NRP2: variants seen among roughly 807,000 people sequenced by gnomAD.
The protein encoded by NRP2 is neuropilin-2.
A neutral mutation model predicts 110.4 loss-of-function variants in NRP2; 52 were observed. The observed-to-expected ratio is 0.47, with a 90% CI of 0.38 to 0.59. NRP2 has a LOEUF of 0.59. Among genes scored for constraint, NRP2 ranks in the 20% least tolerant of loss-of-function variants. The pLI, the probability that NRP2 is intolerant of heterozygous loss-of-function variation, is 0.00. For synonymous variants in NRP2, 508 were observed against 468.9 expected, an observed-to-expected ratio of 1.08 and a Z score of -1.08; for missense variants, 1,049 against 1,203.0, an observed-to-expected ratio of 0.87 and a Z score of 1.89.
chr2:205,767,582 A>T (rs759517342), intron 15 of NRP2: 4 of 302,866 alleles, frequency 1.3e-5, no homozygotes, highest in South Asian at 2.6e-5. Flanking sequence ...AGGTTATAAA[A>T]AAAAAAAAAG....
chr2:205,713,190 T>C (rs936449390), intron 2 of NRP2, among the ~76,000 whole-genome samples: 4 of 152,174 alleles, frequency 2.6e-5, no homozygotes, highest in Non-Finnish European at 2.9e-5. Flanking sequence ...GGCAACCAGA[T>C]AAAACCCTCT....
intron 16 of NRP2, among the ~76,000 whole-genome samples, chr2:205,794,216 T>G (rs1273241500): frequency 3.3e-5 from 5 of 152,182 alleles, no homozygotes; most frequent in Admixed American, 1.3e-4. Flanking sequence ...GTTCACGCCA[T>G]TCTCCTGCCT....
chr2:205,687,946 T>A (rs1553570922), intron 1 of NRP2, among the ~76,000 whole-genome samples: 1 of 152,106 alleles, frequency 6.6e-6, no homozygotes, highest in Non-Finnish European at 1.5e-5. Flanking sequence ...GACCCTGGTG[T>A]TTTTCATTTC....
chr2:205,724,041 A>C (rs2057076159), intron 5 of NRP2, 101 bp downstream of exon 5: 1 of 1,328,518 alleles, frequency 7.5e-7, no homozygotes, highest in Admixed American at 1.8e-5. Context: ...GGAGATGGGA[A>C]CTCTACGGAA....
Position 205,787,723 on chromosome 2 carries a change from T to A in NRP2, c.2426-4512T>A, listed in dbSNP as rs1392531519. Reference sequence around the variant, plus strand: ...GGAAAGATAAAAAAAAGTGTCTGTGTGTGTGTGTGTGTGTGTGTGTGTGTG... The same window carrying A: ...GGAAAGATAAAAAAAAGTGTCTGTGAGTGTGTGTGTGTGTGTGTGTGTGTG... On this transcript the variant is annotated intron_variant, in intron 15 of 16. Transcript: ENST00000357785. 2.3e-4 allele frequency among the ~76,000 whole-genome samples: 20 copies of A among 87,416 alleles called. No homozygotes were observed. In the South Asian group the frequency reaches 3.4e-3, roughly 15 times the overall value. The allele number at this position is 87,416 out of a possible 152,430, so 57.3% of individuals were successfully genotyped here. A position where few individuals can be genotyped will look rare whatever the true frequency, so the allele number is the denominator to read the frequency against.
chr2:205,716,598 A>C (rs2056902268), intron 3 of NRP2, among the ~76,000 whole-genome samples: 2 of 151,974 alleles, frequency 1.3e-5, no homozygotes, highest in Admixed American at 1.3e-4. Flanking sequence ...GGGTGGGGTC[A>C]AAACAGCCAT....
intron 3 of NRP2, chr2:205,722,145 CCT>C (rs140982811): frequency 0.021 from 4,603 of 219,158 alleles, 5 homozygotes; most frequent in South Asian, 0.037. Context: ...CAAGAGAATC[CCT>C]CTCTCTCTCT....
chr2:205,716,622 AG>A (rs1454123910), intron 3 of NRP2, among the ~76,000 whole-genome samples: 3 of 152,192 alleles, frequency 2.0e-5, no homozygotes, highest in Non-Finnish European at 4.4e-5. Flanking sequence ...TTGTGGTATT[AG>A]ACAAACAGAA....
At chr2:205,769,752 G>T (rs1340733059) in intron 15 of NRP2, among the ~76,000 whole-genome samples, 2 of 151,980 alleles carry the variant, frequency 1.3e-5, no homozygotes, top group African/African-American at 4.8e-5. Flanking sequence ...TTAAAGCAGT[G>T]GCTATAAACA....
intron 15 of NRP2, among the ~76,000 whole-genome samples, chr2:205,782,096 G>C (rs2058181051): frequency 6.6e-6 from 1 of 152,068 alleles, no homozygotes; most frequent in South Asian, 2.1e-4. Flanking sequence ...TGGAACAGTG[G>C]AGAATCTAGG....
At chr2:205,692,551 A>G (rs1176678464) in intron 1 of NRP2, among the ~76,000 whole-genome samples, 1 of 152,224 alleles carries the variant, frequency 6.6e-6, no homozygotes, top group Admixed American at 6.5e-5. Flanking sequence ...ACTGTTGTTG[A>G]CATGCTCACA....
Position 205,743,357 on chromosome 2 carries a change from G to A in NRP2, c.1446G>A (p.Gln482=). 6.2e-7 allele frequency: 1 copy of A among 1,614,248 alleles called. No homozygotes were observed. The highest frequency in any genetic ancestry group is 1.1e-5 in the South Asian group (1 of 91,084). Residue 482 remains glutamine (Q), a synonymous_variant, in exon 9 of 17, where the codon CAG becomes CAA. Coordinates refer to ENST00000357785, the MANE Select transcript of NRP2 (RefSeq NM_003872.3). ...SGWFPRIPQA[Q]PGEEWLQVDL... ...GGTTCCCTCGAATCCCTCAGGCCCA[G>A]CCCGGTGAGGAGTGGCTTCAGGTAG... is the stretch of plus-strand genomic sequence containing the variant.
At chr2:205,760,853 C>T (rs1196510665) in intron 12 of NRP2, 2 of 152,212 alleles carry the variant, frequency 1.3e-5, no homozygotes, top group African/African-American at 2.4e-5. Flanking sequence ...TAAATTCACA[C>T]AAGTGACAGT....
intron 12 of NRP2, among the ~76,000 whole-genome samples, chr2:205,754,894 T>C (rs1002827520): frequency 3.3e-5 from 5 of 151,652 alleles, no homozygotes; most frequent in African/African-American, 1.2e-4. Flanking sequence ...GCTGGGGAGG[T>C]TGGCTGGCTC....
intron 11 of NRP2, 166 bp from the exon 12 acceptor site, chr2:205,752,669 C>A: frequency 1.4e-6 from 1 of 723,504 alleles, no homozygotes; most frequent in Non-Finnish European, 2.4e-6. Flanking sequence ...AAAGCCTGAC[C>A]CGAAAGCCAG....
At chr2:205,746,301 T>C (rs1248265107) in intron 10 of NRP2, among the ~76,000 whole-genome samples, 2 of 152,228 alleles carry the variant, frequency 1.3e-5, no homozygotes, top group Non-Finnish European at 2.9e-5. Flanking sequence ...GCTAAGAGAC[T>C]TCATTTTCAT....
At chr2:205,687,555 T>C (rs1224909967) in intron 1 of NRP2, among the ~76,000 whole-genome samples, 1 of 152,202 alleles carries the variant, frequency 6.6e-6, no homozygotes, top group Non-Finnish European at 1.5e-5. Context: ...GGCAGGCCCC[T>C]ACTCGTCCAA....
intron 9 of NRP2, among the ~76,000 whole-genome samples, chr2:205,744,110 A>C (rs1450142572): frequency 6.6e-6 from 1 of 152,078 alleles, no homozygotes; most frequent in Non-Finnish European, 1.5e-5. Flanking sequence ...CATTTTAGAG[A>C]TGATAAACTG....
chr2:205,786,768 C>T (rs555960984), intron 15 of NRP2, among the ~76,000 whole-genome samples: 1 of 152,318 alleles, frequency 6.6e-6, no homozygotes, highest in African/African-American at 2.4e-5. Context: ...CACAATTTAC[C>T]CACTTTGTCA....
Sources: allele counts gnomAD v4.1 joint callset (sites outside exome capture counted in the v4.1 genomes callset), GRCh38; gene constraint gnomAD v4.1.1; transcripts MANE v1.5; gene names NCBI Gene and HGNC (gene_info 2026-07-23, HGNC 2026-07-21).